The following JCAD variants were observed in gnomAD, a reference collection of about 807,000 sequenced individuals.
JCAD encodes junctional cadherin 5 associated.
JCAD carries 40 observed loss-of-function variants against 98.0 expected under a neutral mutation model. The observed-to-expected ratio is 0.41, with a 90% CI of 0.32 to 0.53. The LOEUF is 0.53. Ranked by LOEUF, JCAD falls within the 20% of genes least tolerant of loss-of-function variation. JCAD has a pLI of 0.31. For missense variants in JCAD, 1,705 were observed against 1,738.1 expected, an observed-to-expected ratio of 0.98 and a Z score of 0.34; for synonymous variants, 691 against 682.3, an observed-to-expected ratio of 1.01 and a Z score of -0.20.
intron 1 of JCAD, among the ~76,000 whole-genome samples, chr10:30,076,558 C>T (rs903234011): frequency 4.6e-5 from 7 of 152,148 alleles, no homozygotes; most frequent in African/African-American, 1.7e-4. Context: ...GTGGGTCACA[C>T]TCAGCTAGAT....
At chr10:30,037,825 A>C (rs1837147566) in intron 2 of JCAD, among the ~76,000 whole-genome samples, 1 of 151,616 alleles carries the variant, frequency 6.6e-6, no homozygotes, top group Non-Finnish European at 1.5e-5. Context: ...GCACCCACTG[A>C]TATCGACCTG....
chr10:30,085,106 C>A (rs910571987), intron 1 of JCAD, among the ~76,000 whole-genome samples: 1 of 152,082 alleles, frequency 6.6e-6, no homozygotes, highest in African/African-American at 2.4e-5. Context: ...AGTTATATAA[C>A]CTTTCTTGTT....
In JCAD at chr10:30,027,598, A is replaced by G. The variant is rs373067546; in HGVS notation, c.2550T>C (p.Ser850=). 28 of 1,610,348 alleles carry G rather than the reference A, an allele frequency of 1.7e-5. No individual in the cohort carries two copies. The highest frequency in any genetic ancestry group is 1.6e-4 in the East Asian group (7 of 44,796). The change falls in exon 3 of 4, where the codon AGT becomes AGC. Residue 850 remains serine, a synonymous_variant. Coordinates refer to ENST00000375377, the MANE Select transcript of JCAD (RefSeq NM_020848.4). ...TGCTGCTGCTGCTGCTGCTGCTGCT[A>G]CTGCTGCTTTCTTCCTCTTCCTGGA... ...KELQEEEESS[S]SSSSSSSSSE...
chr10:30,070,357 TG>T (rs1837862702), intron 1 of JCAD, among the ~76,000 whole-genome samples: 2 of 152,186 alleles, frequency 1.3e-5, no homozygotes, highest in African/African-American at 4.8e-5. Context: ...CAGTCAGCGC[TG>T]ATAAGATCCA....
chr10:30,087,985 C>T (rs896549494), intron 1 of JCAD, among the ~76,000 whole-genome samples: 6 of 152,186 alleles, frequency 3.9e-5, no homozygotes, highest in African/African-American at 1.2e-4. Context: ...GGACTACAGG[C>T]ATGCACCACC....
At chr10:30,055,842 A>T (rs770975699) in intron 1 of JCAD, among the ~76,000 whole-genome samples, 1 of 152,244 alleles carries the variant, frequency 6.6e-6, no homozygotes, top group Non-Finnish European at 1.5e-5. Context: ...AAGAAAAAGA[A>T]AAAAGTCCCC....
chr10:30,051,214 T>G (rs1039041410), intron 1 of JCAD, among the ~76,000 whole-genome samples: 2 of 152,100 alleles, frequency 1.3e-5, no homozygotes, highest in African/African-American at 4.8e-5. Flanking sequence ...CTTTATTCTC[T>G]AGGAGCAGAA....
rs1836542716 is a variant in JCAD at position 30,016,723 on chromosome 10, A to G, written c.*1160T>C. 1 of 152,180 alleles carries G rather than the reference A, an allele frequency of 6.6e-6. No individual in the cohort carries two copies. The allele number at this position is 152,180 out of a possible 1,614,324, so 9.4% of individuals were successfully genotyped here. A position where few individuals can be genotyped will look rare whatever the true frequency, so the allele number is the denominator to read the frequency against. The stretch of plus-strand genomic sequence containing the variant: ...TAGATCCCCACACACATACAAAGAT[A>G]AAACTATGTTTTTTGGTAATTCTAG... On this transcript the variant is annotated 3_prime_UTR_variant, in exon 4 of 4. Coordinates refer to ENST00000375377, the MANE Select transcript of JCAD (RefSeq NM_020848.4).
upstream of JCAD, chr10:30,059,613 C>G: frequency 6.6e-6 from 1 of 151,944 alleles, no homozygotes; most frequent in South Asian, 1.8e-4. This position sits in a 1 kb window ranked among gnomAD's most constrained non-coding sequence, Gnocchi z 5.0. Context: ...CCCCGCCCAC[C>G]GCCCGGGCCC....
chr10:30,030,331 C>A (rs543434814), intron 2 of JCAD, among the ~76,000 whole-genome samples: 13 of 152,166 alleles, frequency 8.5e-5, no homozygotes, highest in Non-Finnish European at 1.5e-4. Flanking sequence ...GTCTCAGCAA[C>A]TCCAGAGGAT....
rs145930330 is a variant in JCAD at position 30,048,349 on chromosome 10, C to T, written c.-59-478G>A. Among the ~76,000 whole-genome samples, 688 of 152,322 alleles carry T rather than the reference C, an allele frequency of 4.5e-3. 10 individuals are homozygous for T. The South Asian group carries it at 0.05, about 11-fold the overall frequency. ...TGCTTTCATCTTGTAGACATACCTT[C>T]TGCTCTAGGAGAGAGTGAGATCTTT... On this transcript the variant is annotated intron_variant, in intron 1 of 3. Transcript: ENST00000375377.
At chr10:30,108,473 C>T (rs1383037243) in intron 1 of JCAD, among the ~76,000 whole-genome samples, 2 of 152,060 alleles carry the variant, frequency 1.3e-5, no homozygotes, top group South Asian at 2.1e-4. Context: ...TGCAATGGGG[C>T]GACGAGAATT....
chr10:30,095,699 G>C (rs547437705), intron 1 of JCAD, among the ~76,000 whole-genome samples: 164 of 152,264 alleles, frequency 1.1e-3, no homozygotes, highest in African/African-American at 3.8e-3. Context: ...GCTGTGTCTC[G>C]CTCATCTTAG....
rs376706706 is a variant in JCAD at position 30,017,851 on chromosome 10, C to T, written c.*32G>A. ...ACCAGCTACTTGAGAATACTCAATTCGCAACGGAATGCAAGCTCCACCGGC... is the reference window on the plus strand; with the variant it reads ...ACCAGCTACTTGAGAATACTCAATTTGCAACGGAATGCAAGCTCCACCGGC... On this transcript the variant is annotated 3_prime_UTR_variant, in exon 4 of 4. Transcript: ENST00000375377. 332 of 1,601,180 alleles carry T rather than the reference C, an allele frequency of 2.1e-4. No homozygotes were observed. The highest frequency in any genetic ancestry group is 2.5e-4 in the Non-Finnish European group (291 of 1,168,376).
chr10:30,091,035 T>TG (rs2132695171), intron 1 of JCAD, among the ~76,000 whole-genome samples: 1 of 152,306 alleles, frequency 6.6e-6, no homozygotes, highest in South Asian at 2.1e-4. Flanking sequence ...GTCATCTTCA[T>TG]GGCCAAATAA....
At chr10:30,092,621 G>T (rs951297769) in intron 1 of JCAD, among the ~76,000 whole-genome samples, 1 of 152,166 alleles carries the variant, frequency 6.6e-6, no homozygotes, top group African/African-American at 2.4e-5. Flanking sequence ...CCACAAAGAA[G>T]CTTTCTCCTT....
chr10:30,033,071 C>G (rs147825392), intron 2 of JCAD, among the ~76,000 whole-genome samples: 1 of 152,112 alleles, frequency 6.6e-6, no homozygotes, highest in Non-Finnish European at 1.5e-5. Flanking sequence ...CCACTACTTC[C>G]CGCTTTTACA....
Position 30,028,110 on chromosome 10 carries a change from A to G in JCAD, c.2038T>C (p.Ser680Pro), listed in dbSNP as rs187121917. The change falls in exon 3 of 4, where the codon TCT (serine) becomes CCT (proline). Residue 680 changes from serine to proline, a missense_variant. Physicochemically the swap from Ser to Pro is moderately conservative, Grantham distance 74 (BLOSUM62 -1). Coordinates refer to ENST00000375377, the MANE Select transcript of JCAD (RefSeq NM_020848.4). ...TKHRELKHSG[S>P]WPGHRYRDQQ... ...TCTCTGTACCGGTGCCCTGGCCAAG[A>G]GCCAGAATGCTTGAGTTCTCTGTGC... The G allele has an allele frequency of 8.9e-4, 1,436 of 1,614,220 alleles. No individual in the cohort carries two copies. Among genetic ancestry groups the G allele is most frequent in the Non-Finnish European group, 1.1e-3 (1,270 of 1,180,032 alleles).
chr10:30,072,922 A>T (rs1837918952), intron 1 of JCAD, among the ~76,000 whole-genome samples: 1 of 152,142 alleles, frequency 6.6e-6, no homozygotes, highest in South Asian at 2.1e-4. Flanking sequence ...ACAGGTGTGA[A>T]CCACCGCACC....
Sources: allele counts gnomAD v4.1 joint callset (sites outside exome capture counted in the v4.1 genomes callset), GRCh38; gene constraint gnomAD v4.1.1; non-coding constraint Gnocchi (gnomAD v3.1); transcripts MANE v1.5; gene names NCBI Gene and HGNC (gene_info 2026-07-23, HGNC 2026-07-21).